Variants in DNMT3A observed in about 807,000 individuals in gnomAD.
The protein encoded by DNMT3A is DNA (cytosine-5)-methyltransferase 3A.
A neutral mutation model predicts 117.6 loss-of-function variants in DNMT3A; 267 were observed. That is an observed-to-expected ratio of 2.27 (90% CI 2.05 to 2.51). The LOEUF (loss-of-function observed/expected upper bound fraction) is 2.51, where lower values mean the gene tolerates loss of function less well. DNMT3A is among the 30% of genes most tolerant of loss of function. The pLI is 0.00. For synonymous variants in DNMT3A, 432 were observed against 474.8 expected, an observed-to-expected ratio of 0.91 and a Z score of 1.17; for missense variants, 1,029 against 1,260.2, an observed-to-expected ratio of 0.82 and a Z score of 2.78.
In DNMT3A at chr2:25,237,111, G is replaced by T; in HGVS notation, c.2409-106C>A. ...CCCCCAGCAGCCACTAGTTCACAGG[G>T]TAAGAGCCCCTTCCCCAAATCACGC... On this transcript the variant is annotated intron_variant, in intron 20 of 22. Coordinates refer to ENST00000321117, the MANE Select transcript of DNMT3A (RefSeq NM_022552.5). The surrounding 1 kb of genome is among the most constrained non-coding windows in gnomAD (Gnocchi z 5.4). 8.9e-7 allele frequency: 1 copy of T among 1,121,600 alleles called. No homozygotes were observed. The highest frequency in any genetic ancestry group is 1.3e-6 in the Non-Finnish European group (1 of 774,214). 69.5% of individuals were successfully genotyped at this position (1,121,600 alleles called of 1,614,324 possible). A position where few individuals can be genotyped will look rare whatever the true frequency, so the allele number is the denominator to read the frequency against.
At chr2:25,322,560 C>T (rs1166977655) in intron 1 of DNMT3A, among the ~76,000 whole-genome samples, 3 of 151,974 alleles carry the variant, frequency 2.0e-5, no homozygotes, top group Non-Finnish European at 4.4e-5. Flanking sequence ...CCCCAACCCC[C>T]GCTCACTCAG....
chr2:25,280,990 G>T (rs1558703499), intron 4 of DNMT3A, among the ~76,000 whole-genome samples: 1 of 152,144 alleles, frequency 6.6e-6, no homozygotes, highest in African/African-American at 2.4e-5. Context: ...GTCAGCCCAT[G>T]GGAAGCACCA....
Position 25,272,977 on chromosome 2 carries a change from A to ATTT in DNMT3A, c.639+1961_639+1963dup, listed in dbSNP as rs70947875. On this transcript the variant is annotated intron_variant, in intron 6 of 22. Coordinates refer to ENST00000321117, the MANE Select transcript of DNMT3A (RefSeq NM_022552.5). ...CCACCACACCTGGCTAATTGTTTGT[A>ATTT]TTTTTTTTTTTTTTGAGACAGAGTT... is the stretch of plus-strand genomic sequence containing the variant. Among the ~76,000 whole-genome samples the ATTT allele has an allele frequency of 4.8e-4, 51 of 106,482 alleles. 1 individual carries two copies. The East Asian group carries it at 8.1e-3, about 17-fold the overall frequency. 69.9% of individuals were successfully genotyped at this position (106,482 alleles called of 152,430 possible).
At chr2:25,278,352 C>A (rs1335184571) in intron 4 of DNMT3A, among the ~76,000 whole-genome samples, 1 of 152,220 alleles carries the variant, frequency 6.6e-6, no homozygotes, top group Non-Finnish European at 1.5e-5. Context: ...ATCTCCATGA[C>A]CAGGCTGTAG....
At position 25,236,631 on chromosome 2, in the gene DNMT3A, G is replaced by A. The variant is rs1443647333; in HGVS notation, c.2478+305C>T. ...ACAGGAGGCTGCTTTGAGGGCTTTT[G>A]TAATAGGTTTTGGCCAAAAAATTTA... On this transcript the variant is annotated intron_variant, in intron 21 of 22. Transcript: ENST00000321117. This position sits in a 1 kb window ranked among gnomAD's most constrained non-coding sequence, Gnocchi z 4.5. 1.3e-5 allele frequency among the ~76,000 whole-genome samples: 2 copies of A among 151,610 alleles called. No individual in the cohort carries two copies. The highest frequency in any genetic ancestry group is 2.9e-5 in the Non-Finnish European group (2 of 67,924).
At position 25,323,478 on chromosome 2, in the gene DNMT3A, C is replaced by T. The variant is rs369597953; in HGVS notation, c.-177-9317G>A. Among the ~76,000 whole-genome samples, 17 of 152,286 alleles carry T rather than the reference C, an allele frequency of 1.1e-4. No homozygotes were observed. In the East Asian group the frequency reaches 3.1e-3, roughly 28 times the overall value. On this transcript the variant is annotated intron_variant, in intron 1 of 22. Coordinates refer to ENST00000321117, the MANE Select transcript of DNMT3A (RefSeq NM_022552.5). ...CCAACTGCGGGGTTTCCAACACTGG[C>T]CTTATTTCTTACCAGCTGTGTGGCC...
chr2:25,301,449 C>T (rs1440712359), intron 2 of DNMT3A, among the ~76,000 whole-genome samples: 3 of 152,036 alleles, frequency 2.0e-5, no homozygotes, highest in South Asian at 4.2e-4. Flanking sequence ...TCTCAGGGAC[C>T]GAATCTCAGC....
intron 3 of DNMT3A, among the ~76,000 whole-genome samples, chr2:25,299,918 G>A (rs747583365): frequency 6.6e-6 from 1 of 152,192 alleles, no homozygotes; most frequent in Non-Finnish European, 1.5e-5. Context: ...GCAACAGAGT[G>A]AGACTCCGTC....
rs2035071022 is a variant in DNMT3A, at chr2:25,332,969, C to T, written c.-178+8857G>A. 1.3e-5 allele frequency among the ~76,000 whole-genome samples: 2 copies of T among 152,350 alleles called. 1 individual carries two copies. Among genetic ancestry groups the T allele is most frequent in the South Asian group, 4.1e-4 (2 of 4,828 alleles). On this transcript the variant is annotated intron_variant, in intron 1 of 22. Transcript: ENST00000321117. Reference sequence around the variant, plus strand: ...CACTCTCCGCTTAGCTCCAAAGAGACCAGTGGGCAGGGAGGGAAAGAGGGC... The same window carrying T: ...CACTCTCCGCTTAGCTCCAAAGAGATCAGTGGGCAGGGAGGGAAAGAGGGC...
intron 6 of DNMT3A, chr2:25,251,986 T>A (rs1259039872): frequency 7.0e-6 from 4 of 571,308 alleles, no homozygotes. Flanking sequence ...CCTCGAGGAG[T>A]GGGGCCTTGG....
chr2:25,321,714 T>C (rs1396942920), intron 1 of DNMT3A, among the ~76,000 whole-genome samples: 4 of 152,300 alleles, frequency 2.6e-5, no homozygotes, highest in Admixed American at 2.0e-4. Context: ...AGGGAGATCC[T>C]GTCTCTACAA....
chr2:25,246,660 GC>G lies in DNMT3A; in HGVS notation c.1238del (p.Gly413AlafsTer238), dbSNP rs755744291. The part of the protein sequence containing the change: ...NKPMIEWALG[G>X]FQPSGPKGLE... The stretch of plus-strand genomic sequence containing the variant: ...GGCCCTTAGGGCCAGAAGGCTGGAA[GC>G]CCCCCAGGGCCCATTCAATCATGGG... On this transcript the variant is annotated frameshift_variant, in exon 10 of 23. Transcript: ENST00000321117. LOFTEE classifies it high-confidence loss of function. The G allele has an allele frequency of 4.3e-6, 7 of 1,613,172 alleles. No homozygotes were observed. Among genetic ancestry groups the G allele is most frequent in the African/African-American group, 2.7e-5 (2 of 74,916 alleles).
chr2:25,274,801 A>G, intron 6 of DNMT3A, 140 bp downstream of exon 6: 1 of 1,265,860 alleles, frequency 7.9e-7, no homozygotes, highest in Non-Finnish European at 1.1e-6. Context: ...GAAGGAGCAG[A>G]TGAACCAGTC....
chr2:25,275,841 A>C (rs2031366286), intron 4 of DNMT3A, among the ~76,000 whole-genome samples: 2 of 152,172 alleles, frequency 1.3e-5, no homozygotes, highest in African/African-American at 4.8e-5. Flanking sequence ...ACTCTGTCTC[A>C]GGTACACAGA....
rs1012780063 is a variant in DNMT3A at position 25,296,070 on chromosome 2, A to T, written c.177+4069T>A. Among the ~76,000 whole-genome samples, 1 of 152,244 alleles carries T rather than the reference A, an allele frequency of 6.6e-6. No homozygotes were observed. Among genetic ancestry groups the T allele is most frequent in the African/African-American group, 2.4e-5 (1 of 41,470 alleles). ...TGGCAACATTGTCACACACACATAA[A>T]AGCTTCTGAATAGTTATACTCAGTT... On this transcript the variant is annotated intron_variant, in intron 3 of 22. Transcript: ENST00000321117. The surrounding 1 kb of genome is among the most constrained non-coding windows in gnomAD (Gnocchi z 4.2).
chr2:25,272,514 A>G (rs549470606), intron 6 of DNMT3A, among the ~76,000 whole-genome samples: 9 of 152,184 alleles, frequency 5.9e-5, no homozygotes, highest in Non-Finnish European at 1.3e-4. Flanking sequence ...GCTAAATGAG[A>G]ACAGAAACAC....
Position 25,275,515 on chromosome 2 carries a change from T to A in DNMT3A, c.477A>T (p.Glu159Asp). Residue 159 changes from glutamate (E) to aspartate (D), a missense_variant, in exon 5 of 23, where the codon GAA becomes GAT. Coordinates refer to ENST00000321117, the MANE Select transcript of DNMT3A (RefSeq NM_022552.5). ...AGKEQKETNI[E>D]SMKMEGSRGR... Reference sequence around the variant, plus strand: ...GAACACTTGCCTCCATTTTCATGGATTCGATGTTGGTCTCCTTCTGTTCTT... The same window carrying A: ...GAACACTTGCCTCCATTTTCATGGAATCGATGTTGGTCTCCTTCTGTTCTT... 1 of 1,586,868 alleles carries A rather than the reference T, an allele frequency of 6.3e-7. No individual in the cohort carries two copies. The highest frequency in any genetic ancestry group is 8.5e-7 in the Non-Finnish European group (1 of 1,171,148).
chr2:25,320,699 A>T (rs1198416687), intron 1 of DNMT3A, among the ~76,000 whole-genome samples: 4 of 152,226 alleles, frequency 2.6e-5, no homozygotes, highest in African/African-American at 9.6e-5. Context: ...TCAGCTGTGA[A>T]TAATAGTTTT....
At chr2:25,328,718 A>G (rs1316942870) in intron 1 of DNMT3A, 7 of 510,792 alleles carry the variant, frequency 1.4e-5, no homozygotes, top group Non-Finnish European at 2.8e-5. Context: ...ACCCCCCACA[A>G]TCCCCATTCT....
Sources: allele counts gnomAD v4.1 joint callset (sites outside exome capture counted in the v4.1 genomes callset), GRCh38; gene constraint gnomAD v4.1.1; non-coding constraint Gnocchi (gnomAD v3.1); transcripts MANE v1.5; gene names NCBI Gene and HGNC (gene_info 2026-07-23, HGNC 2026-07-21).